NCALD: variants seen among roughly 807,000 people sequenced by gnomAD.
The protein encoded by NCALD is neurocalcin-delta.
In NCALD, 10 loss-of-function variants were observed where a neutral mutation model predicts 18.6. The ratio of observed to expected loss-of-function variants is 0.54; its 90% CI spans 0.33 to 0.91. The LOEUF (loss-of-function observed/expected upper bound fraction) is 0.91. NCALD is among the 40% of genes least tolerant of loss of function. The pLI, the probability that NCALD is intolerant of heterozygous loss-of-function variation, is 0.03. For missense variants in NCALD, 184 were observed against 247.6 expected, an observed-to-expected ratio of 0.74 and a Z score of 1.72; for synonymous variants, 88 against 87.4, an observed-to-expected ratio of 1.01 and a Z score of -0.04.
intron 4 of NCALD, among the ~76,000 whole-genome samples, chr8:101,835,037 CA>C (rs1483484496): frequency 6.6e-6 from 1 of 152,192 alleles, no homozygotes; most frequent in Non-Finnish European, 1.5e-5. Flanking sequence ...TTAACTGGGT[CA>C]AAAGTTTCCA....
intron 2 of NCALD, among the ~76,000 whole-genome samples, chr8:101,705,511 T>C (rs758365337): frequency 8.5e-5 from 13 of 152,124 alleles, no homozygotes; most frequent in Non-Finnish European, 1.6e-4. Flanking sequence ...CGCCACTGCC[T>C]TTCTCGAGGT....
chr8:101,952,852 C>A (rs1819483668), intron 2 of NCALD, among the ~76,000 whole-genome samples: 1 of 151,970 alleles, frequency 6.6e-6, no homozygotes. Flanking sequence ...CTCTGCCCGG[C>A]TTGCCAACTG....
chr8:101,973,799 T>C (rs1321093332), intron 2 of NCALD, among the ~76,000 whole-genome samples: 2 of 152,146 alleles, frequency 1.3e-5, no homozygotes, highest in Non-Finnish European at 2.9e-5. Flanking sequence ...TTTTTATATA[T>C]CAAAGAATCA....
rs141093116 is a variant in NCALD at position 101,814,691 on chromosome 8, A to G, written c.-20+72450T>C. Among the ~76,000 whole-genome samples, 119 of 152,240 alleles carry G rather than the reference A, an allele frequency of 7.8e-4. No homozygotes were observed. In the East Asian group the frequency reaches 0.021, roughly 27 times the overall value. On this transcript the variant is annotated intron_variant, in intron 4 of 6. Transcript: ENST00000311028. ...AAATAAAACTTTGTTTGCAGGTGACATGATCATCTAGGTAGGAAAGCCAAA... is the reference window on the plus strand; with the variant it reads ...AAATAAAACTTTGTTTGCAGGTGACGTGATCATCTAGGTAGGAAAGCCAAA...
At chr8:101,921,972 C>A (rs1818181359) in intron 2 of NCALD, among the ~76,000 whole-genome samples, 1 of 147,940 alleles carries the variant, frequency 6.8e-6, no homozygotes, top group Non-Finnish European at 1.5e-5. Flanking sequence ...TTGAGACAGT[C>A]TCCCTCTATT....
intron 4 of NCALD, among the ~76,000 whole-genome samples, chr8:101,871,602 T>A (rs1816023866): frequency 6.7e-6 from 1 of 150,322 alleles, no homozygotes; most frequent in African/African-American, 2.5e-5. Flanking sequence ...TTTTTTGCCA[T>A]ACCAATAGCT....
chr8:101,768,192 T>G (rs1330293529), intron 1 of NCALD, among the ~76,000 whole-genome samples: 1 of 152,176 alleles, frequency 6.6e-6, no homozygotes, highest in Non-Finnish European at 1.5e-5. Context: ...ATAATACATG[T>G]TACATTTGCA....
chr8:101,692,383 G>A, intron 3 of NCALD: 2 of 985,376 alleles, frequency 2.0e-6, no homozygotes, highest in Non-Finnish European at 2.4e-6. Context: ...TGGAGTGAAA[G>A]CTGTCGGCAT....
At chr8:102,019,767 A>G (rs1460036228) in intron 2 of NCALD, among the ~76,000 whole-genome samples, 1 of 152,198 alleles carries the variant, frequency 6.6e-6, no homozygotes, top group Non-Finnish European at 1.5e-5. Flanking sequence ...GTAGCTTAAC[A>G]TTAGAAAATC....
chr8:101,710,120 G>T (rs746594802), intron 2 of NCALD, among the ~76,000 whole-genome samples: 44 of 152,210 alleles, frequency 2.9e-4, no homozygotes, highest in Non-Finnish European at 5.3e-4. Context: ...ACAGCCCACG[G>T]AGGGTGAGCA....
chr8:101,924,246 A>G (rs1469352914), intron 2 of NCALD, among the ~76,000 whole-genome samples: 1 of 152,164 alleles, frequency 6.6e-6, no homozygotes, highest in African/African-American at 2.4e-5. Flanking sequence ...TTTAGCCATT[A>G]TTTCTAACCA....
At chr8:101,950,773 A>G (rs536090189) in intron 2 of NCALD, among the ~76,000 whole-genome samples, 2 of 152,362 alleles carry the variant, frequency 1.3e-5, no homozygotes, top group African/African-American at 4.8e-5. Flanking sequence ...CACATGGAAC[A>G]GACCTGATCT....
intron 1 of NCALD, among the ~76,000 whole-genome samples, chr8:101,738,552 C>CAAAAAA (rs34205453): frequency 3.0e-4 from 39 of 127,904 alleles, no homozygotes; most frequent in African/African-American, 4.6e-4. Context: ...CTCAAAAAAA[C>CAAAAAA]AAAAAAAAAA....
At chr8:102,079,714 G>A (rs1028478807) in intron 1 of NCALD, among the ~76,000 whole-genome samples, 16 of 152,270 alleles carry the variant, frequency 1.1e-4, no homozygotes, top group East Asian at 5.8e-4. Flanking sequence ...CTTTTCTCAC[G>A]CACCTCCCAC....
chr8:101,855,268 T>C (rs527875864), intron 4 of NCALD, among the ~76,000 whole-genome samples: 1 of 152,252 alleles, frequency 6.6e-6, no homozygotes, highest in East Asian at 1.9e-4. Context: ...ACTATATGAC[T>C]AGCACTAGCC....
intron 4 of NCALD, chr8:101,847,220 C>T: frequency 5.1e-6 from 1 of 194,948 alleles, no homozygotes; most frequent in South Asian, 9.9e-5. Flanking sequence ...GGCTCAATTC[C>T]TTTCCCTTCT....
At chr8:101,896,933 T>C (rs1817204873) in intron 3 of NCALD, among the ~76,000 whole-genome samples, 9 of 91,622 alleles carry the variant, frequency 9.8e-5, no homozygotes, top group African/African-American at 2.6e-4. Context: ...GTAAACTAGT[T>C]CAACCATTGT....
intron 4 of NCALD, among the ~76,000 whole-genome samples, chr8:101,818,944 C>T (rs1343408482): frequency 2.6e-5 from 4 of 152,140 alleles, no homozygotes; most frequent in Admixed American, 2.0e-4. Context: ...GCAGAGGTTA[C>T]AGTGAGGAGA....
Position 101,817,746 on chromosome 8 carries a change from T to C in NCALD, c.-20+69395A>G, listed in dbSNP as rs1813556529. On this transcript the variant is annotated intron_variant, in intron 4 of 6. Transcript: ENST00000311028. ...GATGCATTGTTCCCGACAGGTCAGG[T>C]GGAAGACCCCTCCCGTGAATGCAGC... is the stretch of plus-strand genomic sequence containing the variant. 5.3e-5 allele frequency among the ~76,000 whole-genome samples: 8 copies of C among 152,126 alleles called. No homozygotes were observed. In the South Asian group the frequency reaches 1.7e-3, roughly 32 times the overall value.
Sources: allele counts gnomAD v4.1 joint callset (sites outside exome capture counted in the v4.1 genomes callset), GRCh38; gene constraint gnomAD v4.1.1; transcripts MANE v1.5; gene names NCBI Gene and HGNC (gene_info 2026-07-23, HGNC 2026-07-21).